ZNF341: variants seen among roughly 807,000 people sequenced by gnomAD.
The protein encoded by ZNF341 is zinc finger protein 341.
ZNF341 carries 52 observed loss-of-function variants against 87.7 expected under a neutral mutation model. The ratio of observed to expected loss-of-function variants is 0.59; its 90% CI spans 0.47 to 0.75. The LOEUF is 0.75. Among genes scored for constraint, ZNF341 ranks in the 30% least tolerant of loss-of-function variants. ZNF341 has a pLI of 0.00. For missense variants in ZNF341, 977 were observed against 1,145.9 expected (o/e 0.85, Z 2.13); for synonymous variants, 459 against 472.7 (o/e 0.97, Z 0.38).
intron 12 of ZNF341, chr20:33,787,033 A>G (rs1042573743): frequency 1.3e-5 from 2 of 151,966 alleles, no homozygotes; most frequent in Non-Finnish European, 2.9e-5. Context: ...CAAATAATAC[A>G]TGGTTATTAT....
In ZNF341 at chr20:33,791,506, G is replaced by A; in HGVS notation, c.2554G>A (p.Ala852Thr). 1 of 1,559,132 alleles carries A rather than the reference G, an allele frequency of 6.4e-7. No individual in the cohort carries two copies. The highest frequency in any genetic ancestry group is 2.1e-4 in the Middle Eastern group (1 of 4,778). Residue 852 changes from alanine to threonine, a missense_variant, in exon 15 of 15, where the codon GCC becomes ACC. Around this residue, in one of 3 missense-constraint regions of ZNF341, gnomAD observed 221 missense variants for 212.7 expected, o/e 1.04. Transcript: ENST00000375200. ...AMLAVPVYIQ[A>T]SE Reference sequence around the variant, plus strand: ...GCTCGCTGTGCCCGTCTACATCCAGGCCTCCGAGTGACGGACCTGAGGTGT... The same window carrying A: ...GCTCGCTGTGCCCGTCTACATCCAGACCTCCGAGTGACGGACCTGAGGTGT...
At chr20:33,747,387 G>A (rs943925909) in intron 3 of ZNF341, among the ~76,000 whole-genome samples, 2 of 136,028 alleles carry the variant, frequency 1.5e-5, no homozygotes, top group Non-Finnish European at 2.9e-5. Context: ...AGGCCGAGGC[G>A]GGCGGATCAC....
Position 33,767,168 on chromosome 20 carries a change from C to T in ZNF341, c.1413+127C>T, listed in dbSNP as rs949332565. 3.5e-5 allele frequency: 40 copies of T among 1,144,338 alleles called. 1 individual carries two copies. The South Asian group carries it at 4.8e-4, about 14-fold the overall frequency. 70.9% of individuals were successfully genotyped at this position (1,144,338 alleles called of 1,614,324 possible). A position where few individuals can be genotyped will look rare whatever the true frequency, so the allele number is the denominator to read the frequency against. Reference sequence around the variant, plus strand: ...GTCAGACCTTCCACGGCTCTATTCCCCCCGGGTTAGATTCCGAGCAGGGGA... The same window carrying T: ...GTCAGACCTTCCACGGCTCTATTCCTCCCGGGTTAGATTCCGAGCAGGGGA... On this transcript the variant is annotated intron_variant, in intron 9 of 14. Coordinates refer to ENST00000375200, the MANE Select transcript of ZNF341 (RefSeq NM_001282933.2).
At chr20:33,764,539 A>ATGTG (rs1476424553) in intron 8 of ZNF341, among the ~76,000 whole-genome samples, 1 of 87,652 alleles carries the variant, frequency 1.1e-5, no homozygotes, top group African/African-American at 4.5e-5. Context: ...GTGTGTGTGT[A>ATGTG]TGTGTATATA....
At chr20:33,739,213 C>T (rs1027274482) in intron 1 of ZNF341, among the ~76,000 whole-genome samples, 1 of 152,158 alleles carries the variant, frequency 6.6e-6, no homozygotes, top group Non-Finnish European at 1.5e-5. Context: ...CGTGATTCAC[C>T]CGCCCCTGCC....
chr20:33,752,796 C>T (rs951667169), intron 4 of ZNF341, among the ~76,000 whole-genome samples: 6 of 151,844 alleles, frequency 4.0e-5, no homozygotes, highest in Non-Finnish European at 5.9e-5. Context: ...GGACTACAGG[C>T]GCCCGCCACC....
chr20:33,778,346 G>A (rs2019668549), intron 10 of ZNF341, among the ~76,000 whole-genome samples: 1 of 151,740 alleles, frequency 6.6e-6, no homozygotes, highest in African/African-American at 2.4e-5. Flanking sequence ...GTCTCTCTCC[G>A]TCACCCAGGC....
rs758512398 is a variant in ZNF341, at chr20:33,748,965, A to T, written c.382A>T (p.Thr128Ser). ...AGTGCCCCCGTCCCCACTGATCCAG[A>T]CCCTGGTGCAGGGGAACATCTTGGT... ...ITVPPSPLIQ[T>S]LVQGNILVSD... is the part of the protein sequence containing the mutation. The change falls in exon 4 of 15, where the codon ACC becomes TCC. Residue 128 changes from threonine (T) to serine (S), a missense_variant. This residue lies in a region of ZNF341 where 515 missense variants were observed against 598.2 expected (regional missense o/e 0.86). Transcript: ENST00000375200. 2.5e-6 allele frequency: 4 copies of T among 1,613,994 alleles called. No homozygotes were observed. The South Asian group carries it at 4.4e-5, about 18-fold the overall frequency.
At chr20:33,747,155 G>A (rs2018943578) in intron 3 of ZNF341, among the ~76,000 whole-genome samples, 1 of 152,138 alleles carries the variant, frequency 6.6e-6, no homozygotes, top group Non-Finnish European at 1.5e-5. Flanking sequence ...CATATCTCAG[G>A]ATGCCAGGTC....
chr20:33,773,952 A>G (rs970610140), intron 10 of ZNF341, among the ~76,000 whole-genome samples: 5 of 151,844 alleles, frequency 3.3e-5, no homozygotes, highest in African/African-American at 1.2e-4. Flanking sequence ...TCATGCCACT[A>G]TATCTTTACT....
At chr20:33,769,407 G>A (rs116795126) in intron 9 of ZNF341, among the ~76,000 whole-genome samples, 2,567 of 148,872 alleles carry the variant, frequency 0.017, 78 homozygotes, top group African/African-American at 0.061. Flanking sequence ...GGTGGCGGGG[G>A]CACAGCCCTC....
In ZNF341 at chr20:33,762,004, G is replaced by A. The variant is rs1372395743; in HGVS notation, c.1171G>A (p.Val391Ile). ...CACCGTGTCTCGAAACTCTGTGACC[G>A]TACAGGTCATGGCCCTGAACCCCAG... ...GGTVSRNSVT[V>I]QVMALNPSRQ... Residue 391 changes from valine to isoleucine, a missense_variant, in exon 8 of 15, where the codon GTA becomes ATA. Physicochemically the swap from Val to Ile is conservative, Grantham distance 29 (BLOSUM62 3). Coordinates refer to ENST00000375200, the MANE Select transcript of ZNF341 (RefSeq NM_001282933.2). The A allele has an allele frequency of 1.4e-5, 22 of 1,602,944 alleles. No individual in the cohort carries two copies. Among genetic ancestry groups the A allele is most frequent in the East Asian group, 2.2e-5 (1 of 44,570 alleles).
intron 4 of ZNF341, among the ~76,000 whole-genome samples, chr20:33,750,793 A>C (rs1283713244): frequency 6.6e-6 from 1 of 152,068 alleles, no homozygotes; most frequent in Non-Finnish European, 1.5e-5. Flanking sequence ...GGCACCCGCC[A>C]CCATGTCTGG....
At chr20:33,765,190 C>T (rs1023129221) in intron 8 of ZNF341, among the ~76,000 whole-genome samples, 10 of 151,982 alleles carry the variant, frequency 6.6e-5, no homozygotes, top group Admixed American at 1.3e-4. Context: ...TAGTGTAAGG[C>T]CAGAGTCTAA....
At chr20:33,754,321 C>T (rs1002724406) in intron 5 of ZNF341, among the ~76,000 whole-genome samples, 1 of 152,158 alleles carries the variant, frequency 6.6e-6, no homozygotes, top group Non-Finnish European at 1.5e-5. Flanking sequence ...TTGAAATGCA[C>T]TGAGTTCATA....
In ZNF341 at chr20:33,753,249, C is replaced by T; in HGVS notation, c.567C>T (p.Pro189=). The T allele has an allele frequency of 6.2e-7, 1 of 1,611,294 alleles. No homozygotes were observed. Among genetic ancestry groups the T allele is most frequent in the Non-Finnish European group, 8.5e-7 (1 of 1,179,798 alleles). The stretch of plus-strand genomic sequence containing the variant: ...CTCCTCCACCTCCTCCACCACTGCC[C>T]CCACCGCCACCACCTCAGCCTCCAC... ...PPPPPPPPPL[P]PPPPPQPPPP... The change falls in exon 5 of 15, where the codon CCC becomes CCT. Residue 189 remains proline (P), a synonymous_variant. Transcript: ENST00000375200.
At chr20:33,780,495 C>T (rs1349780711) in intron 10 of ZNF341, among the ~76,000 whole-genome samples, 1 of 151,742 alleles carries the variant, frequency 6.6e-6, no homozygotes, top group Non-Finnish European at 1.5e-5. Flanking sequence ...GCAACCTCCG[C>T]CTCCTGGGTT....
chr20:33,734,420 C>G (rs1006769606), intron 1 of ZNF341, among the ~76,000 whole-genome samples: 6 of 151,682 alleles, frequency 4.0e-5, no homozygotes, highest in Non-Finnish European at 5.9e-5. Context: ...AGTGGGGGGT[C>G]GGGGTGGAGG....
At chr20:33,753,458 G>A (rs759460948) in intron 5 of ZNF341, 35 bp downstream of exon 5, 4 of 1,536,640 alleles carry the variant, frequency 2.6e-6, no homozygotes, top group Non-Finnish European at 2.6e-6. Flanking sequence ...GAGGACACTG[G>A]TCATGGACAT....
Sources: gnomAD v4.1 joint callset for allele counts (sites outside exome capture counted in the v4.1 genomes callset) on GRCh38, gnomAD v4.1.1 for gene constraint, gnomAD v4.1.1 regional missense constraint, MANE v1.5 for transcripts, NCBI Gene and HGNC (gene_info 2026-07-23, HGNC 2026-07-21) for gene names.